PLCG2: variants seen among roughly 807,000 people sequenced by gnomAD.
PLCG2 encodes phospholipase C gamma 2, also known as 1-phosphatidylinositol 4,5-bisphosphate phosphodiesterase gamma-2.
A neutral mutation model predicts 175.6 loss-of-function variants in PLCG2; 69 were observed. The ratio of observed to expected loss-of-function variants is 0.39; its 90% CI spans 0.32 to 0.48. The LOEUF is 0.48. Among genes scored for constraint, PLCG2 ranks in the 20% least tolerant of loss-of-function variants. PLCG2 has a pLI of 0.91. For synonymous variants in PLCG2, 827 were observed against 624.0 expected (o/e 1.33, Z -4.85); for missense variants, 1,798 against 1,650.9 (o/e 1.09, Z -1.54).
intron 26 of PLCG2, 45 bp downstream of exon 26, chr16:81,934,576 T>TTAAC: frequency 8.9e-7 from 1 of 1,120,484 alleles, no homozygotes; most frequent in Non-Finnish European, 1.4e-6. Flanking sequence ...CAATGAAAAC[T>TTAAC]TAACTTCCTT....
At chr16:81,782,755 C>T (rs1316190795) in intron 1 of PLCG2, among the ~76,000 whole-genome samples, 9 of 152,248 alleles carry the variant, frequency 5.9e-5, no homozygotes, top group Admixed American at 3.3e-4. Context: ...TCCCACAAAA[C>T]GATTCTGTTA....
At chr16:81,891,960 G>A (rs972743797) in intron 11 of PLCG2, among the ~76,000 whole-genome samples, 9 of 152,242 alleles carry the variant, frequency 5.9e-5, no homozygotes, top group Admixed American at 6.5e-5. Flanking sequence ...TAGGGAGTGT[G>A]TACCCTGTGC....
chr16:81,951,145 A>C (rs1304924263), intron 31 of PLCG2, among the ~76,000 whole-genome samples: 1 of 149,694 alleles, frequency 6.7e-6, no homozygotes, highest in East Asian at 2.0e-4. Context: ...TGGCTAATTT[A>C]AAATTTGTGT....
At chr16:81,802,491 G>A (rs1026246897) in intron 2 of PLCG2, among the ~76,000 whole-genome samples, 2 of 152,126 alleles carry the variant, frequency 1.3e-5, no homozygotes, top group Non-Finnish European at 2.9e-5. Flanking sequence ...TAGTAGATAT[G>A]TGATATTGAA....
At chr16:81,763,527 C>G (rs1007767112) in intron 2 of PLCG2, among the ~76,000 whole-genome samples, 1 of 152,218 alleles carries the variant, frequency 6.6e-6, no homozygotes, top group Non-Finnish European at 1.5e-5. Context: ...ACAGGTGAGG[C>G]TCCCCGGGCA....
At chr16:81,816,185 A>G (rs911065561) in intron 2 of PLCG2, among the ~76,000 whole-genome samples, 2 of 152,148 alleles carry the variant, frequency 1.3e-5, no homozygotes, top group Non-Finnish European at 2.9e-5. Flanking sequence ...AGCCTGGCCA[A>G]TATGGTGAAA....
chr16:81,903,235 G>A (rs1239961167), intron 14 of PLCG2, among the ~76,000 whole-genome samples: 1 of 152,224 alleles, frequency 6.6e-6, no homozygotes, highest in East Asian at 1.9e-4. Flanking sequence ...TCAACACGTG[G>A]CATGTACCCT....
intron 19 of PLCG2, among the ~76,000 whole-genome samples, chr16:81,917,390 C>T (rs1020986800): frequency 6.6e-6 from 1 of 152,112 alleles, no homozygotes; most frequent in Non-Finnish European, 1.5e-5. Flanking sequence ...ATATTGATTT[C>T]CTTTCCTTCA....
chr16:81,928,827 G>A, intron 24 of PLCG2: 2 of 494,474 alleles, frequency 4.0e-6, no homozygotes, highest in Non-Finnish European at 7.4e-6. Flanking sequence ...AAAACTGTAA[G>A]TGCTAAAACA....
chr16:81,900,863 C>G (rs887766398), intron 14 of PLCG2, 83 bp downstream of exon 14: 12 of 1,258,006 alleles, frequency 9.5e-6, no homozygotes, highest in Non-Finnish European at 1.3e-5. Context: ...TCACCAAGTT[C>G]TATGTCCTAC....
chr16:81,944,600 G>C (rs1434854293), intron 30 of PLCG2, among the ~76,000 whole-genome samples: 3 of 152,128 alleles, frequency 2.0e-5, no homozygotes, highest in African/African-American at 7.2e-5. Flanking sequence ...TAGTAGCTGG[G>C]ACTACAGGTG....
At chr16:81,786,226 C>A (rs752823843) in intron 2 of PLCG2, 44 bp downstream of exon 2, 2 of 1,536,642 alleles carry the variant, frequency 1.3e-6, no homozygotes, top group South Asian at 1.1e-5. Flanking sequence ...TCCTCTGGGG[C>A]CCTGGCCTGA....
intron 2 of PLCG2, among the ~76,000 whole-genome samples, chr16:81,820,060 A>T (rs1180347889): frequency 6.6e-6 from 1 of 152,206 alleles, no homozygotes; most frequent in East Asian, 1.9e-4. Context: ...TTCTGTGAAG[A>T]TGTCCTATTT....
chr16:81,900,870 C>G (rs1298435849), intron 14 of PLCG2, 90 bp downstream of exon 14: 4 of 1,183,544 alleles, frequency 3.4e-6, no homozygotes, highest in Middle Eastern at 2.8e-4. Flanking sequence ...GTTCTATGTC[C>G]TACTGGGCCT....
At chr16:81,956,623 A>AG in intron 31 of PLCG2, 72 bp from the exon 32 acceptor site, 1 of 1,379,460 alleles carries the variant, frequency 7.2e-7, no homozygotes, top group South Asian at 1.4e-5. Context: ...CATGCTTGTG[A>AG]GATGCCAGGT....
intron 18 of PLCG2, 36 bp from the exon 19 acceptor site, chr16:81,912,561 G>A (rs754990992): frequency 3.1e-6 from 5 of 1,608,342 alleles, no homozygotes; most frequent in Middle Eastern, 1.7e-4. Flanking sequence ...CCTGGAGACC[G>A]CTCACCTGGT....
intron 1 of PLCG2, among the ~76,000 whole-genome samples, chr16:81,753,201 G>C (rs115607387): frequency 0.021 from 3,253 of 152,192 alleles, 48 homozygotes; most frequent in African/African-American, 0.039. Flanking sequence ...CCCACCTGTG[G>C]CAGGTGCAAC....
chr16:81,899,733 C>G lies in PLCG2; in HGVS notation c.1194-879C>G, dbSNP rs553858025. On this transcript the variant is annotated intron_variant, in intron 13 of 32. Transcript: ENST00000564138. Reference sequence around the variant, plus strand: ...GAGCAGGAGAAGGCTGTGATGTGCCCGATGGAGAAAACACCTGTGTCAGAT... The same window carrying G: ...GAGCAGGAGAAGGCTGTGATGTGCCGGATGGAGAAAACACCTGTGTCAGAT... 2.3e-4 allele frequency among the ~76,000 whole-genome samples: 35 copies of G among 152,242 alleles called. 1 individual carries two copies. The South Asian group carries it at 5.0e-3, about 22-fold the overall frequency.
At chr16:81,856,419 C>G (rs1298244747) in intron 3 of PLCG2, among the ~76,000 whole-genome samples, 2 of 152,094 alleles carry the variant, frequency 1.3e-5, no homozygotes, top group Non-Finnish European at 2.9e-5. Flanking sequence ...TGCCAGATGC[C>G]AAGCTCTTAA....
Sources: allele counts gnomAD v4.1 joint callset (sites outside exome capture counted in the v4.1 genomes callset), GRCh38; gene constraint gnomAD v4.1.1; transcripts MANE v1.5; gene names NCBI Gene and HGNC (gene_info 2026-07-23, HGNC 2026-07-21).